Variants in KIAA0753 observed in about 807,000 individuals in gnomAD.
KIAA0753 encodes the protein protein moonraker.
KIAA0753 carries 114 observed loss-of-function variants against 116.9 expected under a neutral mutation model. That is an observed-to-expected ratio of 0.98 (90% CI 0.84 to 1.14). The LOEUF (loss-of-function observed/expected upper bound fraction) is 1.14. Among genes scored for constraint, KIAA0753 ranks in the 50% most tolerant of loss-of-function variants. KIAA0753 has a pLI of 0.00. For synonymous variants in KIAA0753, 405 were observed against 413.1 expected, an observed-to-expected ratio of 0.98 and a Z score of 0.24; for missense variants, 1,156 against 1,172.4, an observed-to-expected ratio of 0.99 and a Z score of 0.20.
chr17:6,629,843 G>C (rs143866709), intron 2 of KIAA0753, among the ~76,000 whole-genome samples: 1 of 152,152 alleles, frequency 6.6e-6, no homozygotes, highest in African/African-American at 2.4e-5. Context: ...GCTCACTAAA[G>C]AAAAAACAAA....
At chr17:6,633,113 T>TA (rs1972105517) in intron 2 of KIAA0753, among the ~76,000 whole-genome samples, 1 of 152,200 alleles carries the variant, frequency 6.6e-6, no homozygotes, top group African/African-American at 2.4e-5. Flanking sequence ...AAAAAATACT[T>TA]AGAGGTAAAA....
chr17:6,600,211 C>G (rs534416159), intron 13 of KIAA0753, among the ~76,000 whole-genome samples, 169 bp downstream of exon 13: 42 of 152,284 alleles, frequency 2.8e-4, no homozygotes, highest in Middle Eastern at 3.4e-3. Context: ...TATCTCTATC[C>G]CTTTTCCACA....
At chr17:6,595,880 C>T (rs1969434669) in intron 15 of KIAA0753, among the ~76,000 whole-genome samples, 1 of 152,224 alleles carries the variant, frequency 6.6e-6, no homozygotes, top group South Asian at 2.1e-4. Flanking sequence ...TTCGGAATTA[C>T]ACATCAGTGA....
At position 6,628,677 on chromosome 17, in the gene KIAA0753, C is replaced by A. The variant is rs1435559614; in HGVS notation, c.158G>T (p.Cys53Phe). ...HSSNLAIRYS[C>F]PHAIRIEKLK... ...TTTTTCAATTCTAATGGCATGTGGGCAAGAATATCGGATCGCCAAGTTGCT... is the reference window on the plus strand; with the variant it reads ...TTTTTCAATTCTAATGGCATGTGGGAAAGAATATCGGATCGCCAAGTTGCT... Residue 53 changes from cysteine (C) to phenylalanine (F), a missense_variant, in exon 3 of 19, where the codon TGC becomes TTC. By Grantham distance (205) the Cys-to-Phe change is radical (BLOSUM62 -2). Coordinates refer to ENST00000361413, the MANE Select transcript of KIAA0753 (RefSeq NM_014804.3). 1 of 1,613,816 alleles carries A rather than the reference C, an allele frequency of 6.2e-7. No individual in the cohort carries two copies. Among genetic ancestry groups the A allele is most frequent in the Non-Finnish European group, 8.5e-7 (1 of 1,179,910 alleles).
intron 18 of KIAA0753, among the ~76,000 whole-genome samples, chr17:6,580,955 C>T (rs1184563052): frequency 6.6e-6 from 1 of 151,866 alleles, no homozygotes; most frequent in Non-Finnish European, 1.5e-5. Flanking sequence ...ACGGCGCAAG[C>T]TTCGTATCTC....
chr17:6,617,759 G>A (rs909228294), intron 7 of KIAA0753, among the ~76,000 whole-genome samples: 2 of 152,204 alleles, frequency 1.3e-5, no homozygotes, highest in East Asian at 3.9e-4. Flanking sequence ...GAGAGGGGCT[G>A]GAGACTGAGT....
At chr17:6,590,076 A>G (rs1173057821) in intron 17 of KIAA0753, 73 bp from the exon 18 acceptor site, 14 of 1,119,506 alleles carry the variant, frequency 1.3e-5, no homozygotes, top group Non-Finnish European at 1.6e-5. Context: ...ATTTACCCTC[A>G]TGGTTTGATA....
intron 9 of KIAA0753, 21 bp from the exon 10 acceptor site, chr17:6,608,485 T>C (rs751585594): frequency 9.4e-6 from 13 of 1,377,282 alleles, no homozygotes; most frequent in South Asian, 2.8e-5. Context: ...TGGAAAAGCA[T>C]ACCTTTGTCA....
intron 16 of KIAA0753, 95 bp downstream of exon 16, chr17:6,594,877 T>C: frequency 1.2e-6 from 1 of 852,440 alleles, no homozygotes; most frequent in Non-Finnish European, 2.0e-6. Context: ...AGAAGGTGAG[T>C]ATAGCAGTGT....
At position 6,579,699 on chromosome 17, in the gene KIAA0753, G is replaced by T; in HGVS notation, c.*48C>A. ...CCTGTGGGCCAAAACAAAGGGTGGT[G>T]CCATCCCTTCTCCAGTGTGACACAA... On this transcript the variant is annotated 3_prime_UTR_variant, in exon 19 of 19. Transcript: ENST00000361413. 7.7e-7 allele frequency: 1 copy of T among 1,301,290 alleles called. No homozygotes were observed. The highest frequency in any genetic ancestry group is 1.1e-6 in the Non-Finnish European group (1 of 899,408). 80.6% of individuals were successfully genotyped at this position (1,301,290 alleles called of 1,614,324 possible). A position where few individuals can be genotyped will look rare whatever the true frequency, so the allele number is the denominator to read the frequency against.
At chr17:6,617,111 C>T (rs972549630) in intron 7 of KIAA0753, among the ~76,000 whole-genome samples, 5 of 152,194 alleles carry the variant, frequency 3.3e-5, no homozygotes, top group Non-Finnish European at 5.9e-5. Context: ...TCCATTTCCT[C>T]CAGTCTATCA....
At chr17:6,614,507 TG>T (rs34769605) in intron 7 of KIAA0753, among the ~76,000 whole-genome samples, 32,230 of 147,274 alleles carry the variant, frequency 0.22, 3,941 homozygotes, top group East Asian at 0.39. Flanking sequence ...CAAGCATAAG[TG>T]GGGGGGGGTA....
chr17:6,598,960 C>G (rs942701078), intron 14 of KIAA0753, among the ~76,000 whole-genome samples: 1 of 152,204 alleles, frequency 6.6e-6, no homozygotes, highest in Non-Finnish European at 1.5e-5. Flanking sequence ...CATTCAGGGC[C>G]ACACAGGGCA....
At chr17:6,609,459 A>AGGATG (rs60222696) in intron 9 of KIAA0753, among the ~76,000 whole-genome samples, 49,399 of 151,914 alleles carry the variant, frequency 0.33, 8,436 homozygotes, top group Admixed American at 0.4. Flanking sequence ...GCTATGAGTG[A>AGGATG]GGATGACAAG....
At chr17:6,593,204 G>A (rs985941512) in intron 16 of KIAA0753, among the ~76,000 whole-genome samples, 1 of 152,226 alleles carries the variant, frequency 6.6e-6, no homozygotes, top group African/African-American at 2.4e-5. Flanking sequence ...AAAGATTTTG[G>A]ACGCTTCACA....
chr17:6,631,940 T>A (rs1022713892), intron 2 of KIAA0753, among the ~76,000 whole-genome samples: 2 of 152,178 alleles, frequency 1.3e-5, no homozygotes, highest in African/African-American at 4.8e-5. Flanking sequence ...TGGAGTGCAG[T>A]GGCACAATCT....
At chr17:6,592,364 A>T (rs1426202917) in intron 16 of KIAA0753, among the ~76,000 whole-genome samples, 2 of 152,100 alleles carry the variant, frequency 1.3e-5, no homozygotes, top group Non-Finnish European at 2.9e-5. Flanking sequence ...TTTTGTCTTC[A>T]TGAGGGTAGT....
chr17:6,628,873 T>C (rs759269389), intron 2 of KIAA0753, 132 bp from the exon 3 acceptor site: 16 of 828,316 alleles, frequency 1.9e-5, no homozygotes, highest in Non-Finnish European at 2.9e-5. Flanking sequence ...TCTGTTTTAC[T>C]GATAGACACA....
At chr17:6,591,567 C>A (rs1303671902) in intron 16 of KIAA0753, among the ~76,000 whole-genome samples, 1 of 152,180 alleles carries the variant, frequency 6.6e-6, no homozygotes, top group Non-Finnish European at 1.5e-5. Context: ...CAGAATGTGT[C>A]CAAAACCTCA....
Sources: allele counts gnomAD v4.1 joint callset (sites outside exome capture counted in the v4.1 genomes callset), GRCh38; gene constraint gnomAD v4.1.1; transcripts MANE v1.5; gene names NCBI Gene and HGNC (gene_info 2026-07-23, HGNC 2026-07-21).